FOXP1: variants seen among roughly 807,000 people sequenced by gnomAD.
The protein encoded by FOXP1 is forkhead box protein P1.
In FOXP1, 15 loss-of-function variants were observed where a neutral mutation model predicts 98.2. That is an observed-to-expected ratio of 0.15 (90% CI 0.10 to 0.24). The LOEUF is 0.24. Among genes scored for constraint, FOXP1 ranks in the 10% least tolerant of loss-of-function variants. FOXP1 has a pLI of 1.00. For missense variants in FOXP1, 633 were observed against 848.5 expected (o/e 0.75, Z 3.15); for synonymous variants, 371 against 314.5 (o/e 1.18, Z -1.90).
intron 7 of FOXP1, among the ~76,000 whole-genome samples, chr3:71,090,299 T>C (rs938213329): frequency 6.6e-6 from 1 of 152,236 alleles, no homozygotes; most frequent in Non-Finnish European, 1.5e-5. Flanking sequence ...AGTACCTCCC[T>C]GTTTGTAACA....
rs2107920939 is a variant in FOXP1, at chr3:71,583,721, G to T, written c.-597C>A. The T allele has an allele frequency of 1.0e-6, 1 of 985,132 alleles. No homozygotes were observed. The highest frequency in any genetic ancestry group is 1.2e-6 in the Non-Finnish European group (1 of 829,886). 61.0% of individuals were successfully genotyped at this position (985,132 alleles called of 1,614,324 possible). ...ACTCCCGGGCGAGGGCCGGGCCGCC[G>T]CGAGTACAGCGTGCAACCGCCACAC... On this transcript the variant is annotated 5_prime_UTR_variant, in exon 1 of 21. Transcript: ENST00000649528.
intron 3 of FOXP1, among the ~76,000 whole-genome samples, chr3:71,484,668 T>C (rs2090526439): frequency 6.6e-6 from 1 of 152,114 alleles, no homozygotes; most frequent in African/African-American, 2.4e-5. Flanking sequence ...GGTTACGGTA[T>C]TATTGAGTCC....
intron 3 of FOXP1, among the ~76,000 whole-genome samples, chr3:71,441,268 C>T (rs796569658): frequency 3.3e-5 from 5 of 152,352 alleles, no homozygotes; most frequent in African/African-American, 7.2e-5. Context: ...ACGGGACATA[C>T]ATGTGGAAAT....
At chr3:71,545,874 T>C (rs1001459070) in intron 2 of FOXP1, among the ~76,000 whole-genome samples, 5 of 152,216 alleles carry the variant, frequency 3.3e-5, no homozygotes, top group African/African-American at 1.2e-4. Flanking sequence ...TGGTTTTCAC[T>C]GTTTTATTCA....
intron 3 of FOXP1, among the ~76,000 whole-genome samples, chr3:71,464,908 A>G (rs1178280421): frequency 6.6e-6 from 1 of 152,178 alleles, no homozygotes; most frequent in Non-Finnish European, 1.5e-5. Context: ...GCTACTTGAC[A>G]TCTAACCCTT....
chr3:70,990,243 T>C (rs955109), intron 13 of FOXP1, among the ~76,000 whole-genome samples: 5,532 of 152,328 alleles, frequency 0.036, 187 homozygotes, highest in Admixed American at 0.11. Flanking sequence ...AGTTTTAGAC[T>C]TTAAATCAAT....
rs550621761 is a variant in FOXP1 at position 71,247,339 on chromosome 3, T to C, written c.-11-48947A>G. ...GCAGCACTTGGCTGAGCTGCGACCT[T>C]CTGCCTGGAATGTGCCTCTTCCCTG... On this transcript the variant is annotated intron_variant, in intron 5 of 20. Transcript: ENST00000649528. 1.6e-3 allele frequency among the ~76,000 whole-genome samples: 242 copies of C among 152,334 alleles called. 2 individuals are homozygous for C. The highest frequency in any genetic ancestry group is 2.9e-3 in the Non-Finnish European group (199 of 68,022).
chr3:71,459,397 G>A (rs2087804419), intron 3 of FOXP1, among the ~76,000 whole-genome samples: 1 of 152,194 alleles, frequency 6.6e-6, no homozygotes, highest in African/African-American at 2.4e-5. Context: ...CCAAGAAGGG[G>A]ATACAGATGG....
At chr3:71,518,171 C>T (rs1350624141) in intron 2 of FOXP1, among the ~76,000 whole-genome samples, 1 of 151,976 alleles carries the variant, frequency 6.6e-6, no homozygotes, top group African/African-American at 2.4e-5. Context: ...TATCTAAGCA[C>T]ATGCATCTCT....
At chr3:71,040,526 A>C (rs1206742947) in intron 11 of FOXP1, 1 of 152,294 alleles carries the variant, frequency 6.6e-6, no homozygotes. Flanking sequence ...GGGTACTAAG[A>C]ATACCATAAC....
intron 6 of FOXP1, chr3:71,130,415 C>A: frequency 7.2e-7 from 1 of 1,396,366 alleles, no homozygotes; most frequent in South Asian, 1.2e-5. Context: ...TTTCGCCCTT[C>A]AGAGAATGTC....
rs369694659 is a variant in FOXP1 at position 71,432,846 on chromosome 3, T to TA, written c.-168+60579dup. The stretch of plus-strand genomic sequence containing the variant: ...ACACTGACAGGAAATGTGAACATGT[T>TA]AAAAAAAAAAAAAAAAAAAATTAAA... On this transcript the variant is annotated intron_variant, in intron 3 of 20. Transcript: ENST00000649528. Among the ~76,000 whole-genome samples the TA allele has an allele frequency of 3.6e-3, 330 of 92,252 alleles. 2 individuals carry two copies. Among genetic ancestry groups the TA allele is most frequent in the East Asian group, 0.017 (60 of 3,634 alleles). 60.5% of individuals were successfully genotyped at this position (92,252 alleles called of 152,430 possible). A position where few individuals can be genotyped will look rare whatever the true frequency, so the allele number is the denominator to read the frequency against.
intron 3 of FOXP1, among the ~76,000 whole-genome samples, chr3:71,476,380 C>T (rs2089843659): frequency 6.7e-6 from 1 of 149,150 alleles, no homozygotes; most frequent in Admixed American, 6.7e-5. Context: ...TATTTTCCTT[C>T]TGTTGGATAT....
At chr3:71,404,120 C>CTCTTT (rs1653912349) in intron 3 of FOXP1, among the ~76,000 whole-genome samples, 1 of 62,702 alleles carries the variant, frequency 1.6e-5, no homozygotes, top group African/African-American at 6.4e-5. Flanking sequence ...TTTTCTTTTT[C>CTCTTT]TTTTTTTTTT....
At chr3:71,258,406 C>A (rs1310190855) in intron 5 of FOXP1, among the ~76,000 whole-genome samples, 1 of 152,190 alleles carries the variant, frequency 6.6e-6, no homozygotes, top group African/African-American at 2.4e-5. Context: ...GTAGGGCAAA[C>A]AAAGGGCAGA....
intron 6 of FOXP1, among the ~76,000 whole-genome samples, chr3:71,128,827 AT>A (rs2059391341): frequency 6.6e-6 from 1 of 152,170 alleles, no homozygotes; most frequent in African/African-American, 2.4e-5. Context: ...CTAATTCTCA[AT>A]AAAAAGCCTG....
chr3:71,434,757 T>G (rs182244801), intron 3 of FOXP1, among the ~76,000 whole-genome samples: 1 of 151,640 alleles, frequency 6.6e-6, no homozygotes, highest in Non-Finnish European at 1.5e-5. Flanking sequence ...TTAAAGGTAA[T>G]AGAGTAGAGG....
intron 2 of FOXP1, among the ~76,000 whole-genome samples, chr3:71,519,801 T>C (rs1415625797): frequency 6.6e-6 from 1 of 152,270 alleles, no homozygotes; most frequent in African/African-American, 2.4e-5. Context: ...TAAATCTCTA[T>C]AAAGGTGCTA....
intron 8 of FOXP1, 40 bp from the exon 9 acceptor site, chr3:71,052,666 C>A: frequency 1.1e-6 from 1 of 885,250 alleles, no homozygotes. Context: ...CAGAGGGTAG[C>A]GCCAATCCAC....
Sources: allele counts gnomAD v4.1 joint callset (sites outside exome capture counted in the v4.1 genomes callset), GRCh38; gene constraint gnomAD v4.1.1; transcripts MANE v1.5; gene names NCBI Gene and HGNC (gene_info 2026-07-23, HGNC 2026-07-21).